Variants in WWOX observed in about 807,000 individuals in gnomAD.
WWOX encodes WW domain containing oxidoreductase, also known as WW domain-containing oxidoreductase.
Under a neutral mutation model 46.2 loss-of-function variants are expected in WWOX, and 69 were observed. The observed-to-expected ratio is 1.49, with a 90% CI of 1.23 to 1.82. The LOEUF (loss-of-function observed/expected upper bound fraction) is 1.82, where lower values mean the gene tolerates loss of function less well. WWOX is among the 40% of genes most tolerant of loss of function. The pLI, the probability that WWOX is intolerant of heterozygous loss-of-function variation, is 0.00. For missense variants in WWOX, 919 were observed against 542.6 expected, an observed-to-expected ratio of 1.69 and a Z score of -6.89; for synonymous variants, 359 against 202.6, an observed-to-expected ratio of 1.77 and a Z score of -6.56.
chr16:78,815,866 A>G (rs1262758234), intron 8 of WWOX, among the ~76,000 whole-genome samples: 1 of 152,106 alleles, frequency 6.6e-6, no homozygotes, highest in Non-Finnish European at 1.5e-5. Flanking sequence ...GCCCAAATAT[A>G]AACTTGAGAG....
At position 78,779,321 on chromosome 16, in the gene WWOX, A is replaced by G. The variant is rs148424294; in HGVS notation, c.1056+346569A>G. Reference sequence around the variant, plus strand: ...CACCACACCTGGCTAACTTTTATTTATTTTTAGTAGAGAGGCAGTTTTGCT... The same window carrying G: ...CACCACACCTGGCTAACTTTTATTTGTTTTTAGTAGAGAGGCAGTTTTGCT... On this transcript the variant is annotated intron_variant, in intron 8 of 8. Coordinates refer to ENST00000566780, the MANE Select transcript of WWOX (RefSeq NM_016373.4). Among the ~76,000 whole-genome samples, 869 of 152,072 alleles carry G rather than the reference A, an allele frequency of 5.7e-3. 7 individuals are homozygous for G. The highest frequency in any genetic ancestry group is 7.8e-3 in the Non-Finnish European group (533 of 67,974).
intron 7 of WWOX, among the ~76,000 whole-genome samples, chr16:78,426,004 A>G (rs1363107485): frequency 6.6e-6 from 1 of 152,180 alleles, no homozygotes; most frequent in African/African-American, 2.4e-5. Flanking sequence ...GGTTAGCTTG[A>G]ACCCTTTATC....
chr16:79,106,101 G>A (rs1295247668), intron 8 of WWOX: 1 of 152,154 alleles, frequency 6.6e-6, no homozygotes, highest in South Asian at 2.1e-4. Context: ...AGAATCACCT[G>A]GGAATTTGTT....
intron 8 of WWOX, among the ~76,000 whole-genome samples, chr16:78,877,311 G>C (rs779461109): frequency 6.7e-6 from 1 of 149,458 alleles, no homozygotes; most frequent in Non-Finnish European, 1.5e-5. Context: ...TCCCCCCTGT[G>C]AGCTTTTTCC....
At chr16:79,121,440 T>G (rs887550802) in intron 8 of WWOX, among the ~76,000 whole-genome samples, 3 of 152,208 alleles carry the variant, frequency 2.0e-5, no homozygotes, top group Admixed American at 6.5e-5. Flanking sequence ...GTAGATGGAA[T>G]TCTAAGGTCC....
chr16:78,632,998 C>T (rs949990858), intron 8 of WWOX, among the ~76,000 whole-genome samples: 2 of 152,106 alleles, frequency 1.3e-5, no homozygotes, highest in East Asian at 1.9e-4. Flanking sequence ...CATGGTGGCT[C>T]ATGCCTGTAA....
At chr16:78,612,468 T>A (rs1348284049) in intron 8 of WWOX, among the ~76,000 whole-genome samples, 1 of 152,152 alleles carries the variant, frequency 6.6e-6, no homozygotes, top group South Asian at 2.1e-4. Flanking sequence ...TGGCACATGA[T>A]GTAGGTTTTT....
chr16:78,288,074 G>A (rs151173737), intron 5 of WWOX, among the ~76,000 whole-genome samples: 206 of 152,072 alleles, frequency 1.4e-3, no homozygotes, highest in African/African-American at 4.8e-3. Flanking sequence ...TTTTTTAACT[G>A]TGCAATTTAA....
At chr16:78,615,368 G>T (rs541755053) in intron 8 of WWOX, among the ~76,000 whole-genome samples, 1 of 152,124 alleles carries the variant, frequency 6.6e-6, no homozygotes, top group Non-Finnish European at 1.5e-5. Context: ...AGTTGTTGGG[G>T]CTGGGTGCAG....
chr16:79,156,532 T>A (rs1359925197), intron 8 of WWOX, among the ~76,000 whole-genome samples: 2 of 152,202 alleles, frequency 1.3e-5, no homozygotes, highest in Non-Finnish European at 2.9e-5. Flanking sequence ...GTAGAAGGTG[T>A]TGGAAGGAAA....
At chr16:78,990,595 A>T (rs2046867634) in intron 8 of WWOX, among the ~76,000 whole-genome samples, 1 of 152,214 alleles carries the variant, frequency 6.6e-6, no homozygotes, top group Non-Finnish European at 1.5e-5. Flanking sequence ...ATCACCACCC[A>T]AGTTGTAAGA....
At chr16:78,795,924 A>T (rs921494541) in intron 8 of WWOX, among the ~76,000 whole-genome samples, 1 of 152,228 alleles carries the variant, frequency 6.6e-6, no homozygotes, top group Non-Finnish European at 1.5e-5. Flanking sequence ...TAAGTAAGCG[A>T]ACGAAATGGA....
chr16:78,338,405 A>T (rs1472361946), intron 5 of WWOX, among the ~76,000 whole-genome samples: 2 of 121,132 alleles, frequency 1.7e-5, no homozygotes, highest in African/African-American at 5.6e-5. Context: ...TTATCCTTGC[A>T]AAATTGTCTG....
intron 8 of WWOX, among the ~76,000 whole-genome samples, chr16:78,686,489 G>C (rs1297833570): frequency 1.3e-5 from 2 of 149,816 alleles, no homozygotes; most frequent in Admixed American, 6.8e-5. Flanking sequence ...CCAGCCTGGG[G>C]GACAGAGCGA....
intron 8 of WWOX, among the ~76,000 whole-genome samples, chr16:78,445,382 C>T (rs1335410933): frequency 1.3e-5 from 2 of 152,154 alleles, no homozygotes; most frequent in Non-Finnish European, 2.9e-5. Context: ...ATTCATTCAA[C>T]AAATATTATT....
chr16:79,135,774 C>T (rs1329065087), intron 8 of WWOX, among the ~76,000 whole-genome samples: 2 of 152,136 alleles, frequency 1.3e-5, no homozygotes, highest in Admixed American at 1.3e-4. Context: ...AAAAAAAATC[C>T]TCACCATTAT....
chr16:78,655,300 C>T (rs763754124), intron 8 of WWOX, among the ~76,000 whole-genome samples: 1 of 152,246 alleles, frequency 6.6e-6, no homozygotes, highest in African/African-American at 2.4e-5. Context: ...GAGACAACAG[C>T]TTACAAAATG....
At chr16:78,442,122 G>A (rs1385970497) in intron 8 of WWOX, among the ~76,000 whole-genome samples, 1 of 151,738 alleles carries the variant, frequency 6.6e-6, no homozygotes, top group African/African-American at 2.4e-5. Flanking sequence ...GGGTGACATA[G>A]TGAGACCCTA....
At chr16:78,435,924 C>T (rs2083324883) in intron 8 of WWOX, among the ~76,000 whole-genome samples, 1 of 152,154 alleles carries the variant, frequency 6.6e-6, no homozygotes, top group South Asian at 2.1e-4. Context: ...TCTGGCTCTC[C>T]AGTATGGTAG....
Sources: gnomAD v4.1 joint callset for allele counts (sites outside exome capture counted in the v4.1 genomes callset) on GRCh38, gnomAD v4.1.1 for gene constraint, MANE v1.5 for transcripts, NCBI Gene and HGNC (gene_info 2026-07-23, HGNC 2026-07-21) for gene names.